Variants in TBCD observed in about 807,000 individuals in gnomAD.
The protein encoded by TBCD is tubulin folding cofactor D.
A neutral mutation model predicts 169.3 loss-of-function variants in TBCD; 105 were observed. The observed-to-expected ratio is 0.62, with a 90% CI of 0.53 to 0.73. The LOEUF (loss-of-function observed/expected upper bound fraction) is 0.73, where lower values mean the gene tolerates loss of function less well. Ranked by LOEUF, TBCD falls within the 30% of genes least tolerant of loss-of-function variation. The pLI, the probability that TBCD is intolerant of heterozygous loss-of-function variation, is 0.00. For synonymous variants in TBCD, 700 were observed against 643.9 expected, an observed-to-expected ratio of 1.09 and a Z score of -1.32; for missense variants, 1,444 against 1,600.1, an observed-to-expected ratio of 0.90 and a Z score of 1.66.
chr17:82,879,399 G>A (rs1030501524), intron 14 of TBCD, among the ~76,000 whole-genome samples: 1 of 152,068 alleles, frequency 6.6e-6, no homozygotes, highest in African/African-American at 2.4e-5. Context: ...TGCGTCTGCC[G>A]TCATGCATCT....
chr17:82,783,615 T>TA (rs1388448690), intron 7 of TBCD, among the ~76,000 whole-genome samples: 2 of 152,214 alleles, frequency 1.3e-5, no homozygotes, highest in African/African-American at 4.8e-5. Flanking sequence ...ACACAGCCTT[T>TA]TGCGTCTGGC....
chr17:82,859,682 C>A, intron 13 of TBCD: 1 of 985,414 alleles, frequency 1.0e-6, no homozygotes, highest in Non-Finnish European at 1.2e-6. Context: ...CCAGCAGAGG[C>A]TGGAGGCCAG....
chr17:82,830,931 G>A, intron 13 of TBCD: 1 of 1,613,074 alleles, frequency 6.2e-7, no homozygotes, highest in Non-Finnish European at 8.5e-7. Context: ...AAGCAACTGC[G>A]TGAAGCAGTG....
At chr17:82,838,791 T>C in intron 13 of TBCD, 1 of 985,438 alleles carries the variant, frequency 1.0e-6, no homozygotes, top group Non-Finnish European at 1.2e-6. Context: ...CCAGGGGCTC[T>C]TAACTCTAGT....
chr17:82,936,433 G>A (rs1020636587), intron 34 of TBCD, among the ~76,000 whole-genome samples: 7 of 152,156 alleles, frequency 4.6e-5, no homozygotes, highest in African/African-American at 7.2e-5. Context: ...TTTCCTGCCT[G>A]TTTGGCTGGG....
At chr17:82,755,452 G>A (rs1212625129) in intron 1 of TBCD, among the ~76,000 whole-genome samples, 2 of 152,156 alleles carry the variant, frequency 1.3e-5, no homozygotes, top group East Asian at 3.8e-4. Context: ...TATATTTTAG[G>A]GAAAAATATT....
chr17:82,845,202 G>A (rs563676019), intron 13 of TBCD, among the ~76,000 whole-genome samples: 1 of 152,326 alleles, frequency 6.6e-6, no homozygotes, highest in East Asian at 1.9e-4. Flanking sequence ...GGTCGGGGGT[G>A]AGGCACAGGA....
chr17:82,814,730 C>G, intron 12 of TBCD, 110 bp from the exon 13 acceptor site: 4 of 1,043,820 alleles, frequency 3.8e-6, no homozygotes, highest in Non-Finnish European at 5.8e-6. Flanking sequence ...TTACGTGAGC[C>G]TTACAGGCAG....
In TBCD at chr17:82,784,072, C is replaced by T. The variant is rs1984719; in HGVS notation, c.771+2351C>T. ...CCTGGGAGGCGGAGGTTGAGTGAGC[C>T]GAGATCATGCCACTGCACCCCAGCC... On this transcript the variant is annotated intron_variant, in intron 7 of 38. Coordinates refer to ENST00000355528, the MANE Select transcript of TBCD (RefSeq NM_005993.5). Among the ~76,000 whole-genome samples the T allele has an allele frequency of 4.1e-3, 616 of 151,702 alleles. 1 individual carries two copies. Among genetic ancestry groups the T allele is most frequent in the African/African-American group, 0.014 (580 of 41,340 alleles).
At chr17:82,795,510 A>G (rs997947559) in intron 7 of TBCD, 2 of 985,204 alleles carry the variant, frequency 2.0e-6, no homozygotes, top group Non-Finnish European at 2.4e-6. Context: ...TGAGCACTTC[A>G]CTGTTCATCC....
At chr17:82,872,104 C>CT (rs2057612060) in intron 14 of TBCD, among the ~76,000 whole-genome samples, 1 of 152,050 alleles carries the variant, frequency 6.6e-6, no homozygotes, top group Non-Finnish European at 1.5e-5. Flanking sequence ...ACGTGGCCAG[C>CT]GTCTCATAGT....
At chr17:82,888,244 C>T (rs937087451) in intron 15 of TBCD, among the ~76,000 whole-genome samples, 4 of 152,194 alleles carry the variant, frequency 2.6e-5, no homozygotes, top group African/African-American at 9.7e-5. Context: ...GTTCTGCCAG[C>T]GCACACTGTG....
chr17:82,859,728 C>T, intron 13 of TBCD: 1 of 985,444 alleles, frequency 1.0e-6, no homozygotes, highest in Non-Finnish European at 1.2e-6. Context: ...TGGAAAGATT[C>T]CAGTCCACAG....
At chr17:82,844,497 A>C (rs1271714668) in intron 13 of TBCD, among the ~76,000 whole-genome samples, 1 of 151,920 alleles carries the variant, frequency 6.6e-6, no homozygotes, top group Non-Finnish European at 1.5e-5. Context: ...CTGGTGCCAC[A>C]GATCTGGAGC....
chr17:82,781,703 T>C lies in TBCD; in HGVS notation c.753T>C (p.Asp251=), dbSNP rs1568123553. 1 of 1,613,732 alleles carries C rather than the reference T, an allele frequency of 6.2e-7. No homozygotes were observed. The highest frequency in any genetic ancestry group is 8.5e-7 in the Non-Finnish European group (1 of 1,179,824). The change falls in exon 7 of 39, where the codon GAT becomes GAC. Residue 251 remains aspartate (D), a synonymous_variant. Coordinates refer to ENST00000355528, the MANE Select transcript of TBCD (RefSeq NM_005993.5). ...CCATGCAGGGGGTCATCACCATGGA[T>C]GGGACGCTGCAGGCCCTGGTAAGTG... The part of the protein sequence containing the change: ...FQTMQGVITM[D]GTLQALAQIF...
chr17:82,838,664 C>T, intron 13 of TBCD: 1 of 985,426 alleles, frequency 1.0e-6, no homozygotes, highest in Non-Finnish European at 1.2e-6. Context: ...GATTGACTGC[C>T]ACTCCCTCCC....
At position 82,806,047 on chromosome 17, in the gene TBCD, G is replaced by C. The variant is rs1157051338; in HGVS notation, c.1087+36G>C. 1.3e-6 allele frequency: 2 copies of C among 1,599,096 alleles called. No individual in the cohort carries two copies. Among genetic ancestry groups the C allele is most frequent in the African/African-American group, 1.3e-5 (1 of 74,730 alleles). ...TCTAAGCGGCGGCCTCTGCTCTTGG[G>C]CACCGTCGGGCCAATTCCCCTCTAC... On this transcript the variant is annotated intron_variant, in intron 10 of 38. Transcript: ENST00000355528. The surrounding 1 kb of genome is among the most constrained non-coding windows in gnomAD (Gnocchi z 5.1).
chr17:82,872,544 C>G (rs1329344353), intron 14 of TBCD, among the ~76,000 whole-genome samples: 1 of 152,240 alleles, frequency 6.6e-6, no homozygotes, highest in African/African-American at 2.4e-5. Flanking sequence ...TGCGGGAGCT[C>G]TTGTGTGTGA....
chr17:82,907,774 C>T lies in TBCD; in HGVS notation c.1936C>T (p.His646Tyr). The T allele has an allele frequency of 6.2e-7, 1 of 1,613,826 alleles. No individual in the cohort carries two copies. The highest frequency in any genetic ancestry group is 2.2e-5 in the East Asian group (1 of 44,876). ...AAQENRPVTD[H>Y]LDEQAVQGLK... is the part of the protein sequence containing the mutation. Reference sequence around the variant, plus strand: ...GAACTTCTGCAGGCCCGTCACGGACCATCTGGACGAGCAGGCAGTGCAGGG... The same window carrying T: ...GAACTTCTGCAGGCCCGTCACGGACTATCTGGACGAGCAGGCAGTGCAGGG... The change falls in exon 21 of 39, where the codon CAT (histidine) becomes TAT (tyrosine). Residue 646 changes from histidine (H) to tyrosine (Y), a missense_variant. By Grantham distance (83) the His-to-Tyr change is moderately conservative. Transcript: ENST00000355528.
Sources: allele counts gnomAD v4.1 joint callset (sites outside exome capture counted in the v4.1 genomes callset), GRCh38; gene constraint gnomAD v4.1.1; non-coding constraint Gnocchi (gnomAD v3.1); transcripts MANE v1.5; gene names NCBI Gene and HGNC (gene_info 2026-07-23, HGNC 2026-07-21).